The following TENM4 variants were observed in gnomAD, a reference collection of about 807,000 sequenced individuals.
TENM4 encodes teneurin transmembrane protein 4.
A neutral mutation model predicts 243.3 loss-of-function variants in TENM4; 82 were observed. The observed-to-expected ratio is 0.34, with a 90% confidence interval of 0.28 to 0.40. TENM4 has a LOEUF of 0.40. Ranked by LOEUF, TENM4 falls within the 10% of genes least tolerant of loss-of-function variation. TENM4 has a pLI of 1.00. For synonymous variants in TENM4, 1,412 were observed against 1,456.3 expected (o/e 0.97, Z 0.69); for missense variants, 3,138 against 3,673.3 (o/e 0.85, Z 3.77).
chr11:79,250,046 C>T (rs967611955), intron 2 of TENM4, among the ~76,000 whole-genome samples: 3 of 152,160 alleles, frequency 2.0e-5, no homozygotes, highest in African/African-American at 7.2e-5. Flanking sequence ...AGTGCAATGG[C>T]GTGATCTCAG....
At position 78,670,013 on chromosome 11, in the gene TENM4, T is replaced by A. The variant is rs1228259831; in HGVS notation, c.6332A>T (p.Asp2111Val). 6.2e-7 allele frequency: 1 copy of A among 1,613,966 alleles called. No individual in the cohort carries two copies. The highest frequency in any genetic ancestry group is 8.5e-7 in the Non-Finnish European group (1 of 1,179,886). ...TPLPIDLYRY[D>V]DVSGKTEQFG... ...CTGCTCTGTCTTGCCTGACACATCA[T>A]CATAGCGATAGAGATCAATGGGCAG... Residue 2111 changes from aspartate (D) to valine (V), a missense_variant, in exon 32 of 34, where the codon GAT becomes GTT. This residue lies in a region of TENM4 where 2,467 missense variants were observed against 3,059.1 expected (regional missense o/e 0.81). Coordinates refer to ENST00000278550, the MANE Select transcript of TENM4 (RefSeq NM_001098816.3).
At chr11:78,872,689 T>C (rs982931624) in intron 9 of TENM4, among the ~76,000 whole-genome samples, 1 of 152,250 alleles carries the variant, frequency 6.6e-6, no homozygotes, top group African/African-American at 2.4e-5. Flanking sequence ...TGTGTTTAGT[T>C]GGTGCTTGGG....
At chr11:79,101,546 G>A (rs972595327) in intron 4 of TENM4, among the ~76,000 whole-genome samples, 4 of 152,196 alleles carry the variant, frequency 2.6e-5, no homozygotes, top group Non-Finnish European at 4.4e-5. Flanking sequence ...TTAAGAAACC[G>A]TTGCGTCCTG....
intron 2 of TENM4, among the ~76,000 whole-genome samples, chr11:79,266,025 T>G (rs1025158159): frequency 6.6e-6 from 1 of 152,198 alleles, no homozygotes; most frequent in Non-Finnish European, 1.5e-5. Context: ...ATTTCCCAGG[T>G]GGAGTAAGTA....
chr11:78,966,471 T>C lies in TENM4; in HGVS notation c.494-62948A>G, dbSNP rs555962633. 4.6e-5 allele frequency among the ~76,000 whole-genome samples: 7 copies of C among 152,206 alleles called. No individual in the cohort carries two copies. In the East Asian group the frequency reaches 9.7e-4, roughly 21 times the overall value. On this transcript the variant is annotated intron_variant, in intron 6 of 33. Transcript: ENST00000278550. Reference sequence around the variant, plus strand: ...CAAACATTTCCTAAACACTCAGTGATTGGGCTAGAAGGTGAGGGAGATACA... The same window carrying C: ...CAAACATTTCCTAAACACTCAGTGACTGGGCTAGAAGGTGAGGGAGATACA...
intron 1 of TENM4, among the ~76,000 whole-genome samples, chr11:79,384,680 C>A (rs931244600): frequency 2.6e-5 from 4 of 152,264 alleles, no homozygotes; most frequent in East Asian, 1.9e-4. Flanking sequence ...AATCCCAGCA[C>A]TTTGGGAGGC....
chr11:78,842,897 G>GTGATGT (rs1858295075), intron 12 of TENM4, among the ~76,000 whole-genome samples: 1 of 152,234 alleles, frequency 6.6e-6, no homozygotes, highest in African/African-American at 2.4e-5. Context: ...ATGTAGGCCA[G>GTGATGT]GTGTGATGGC....
chr11:79,326,027 A>G (rs1273194438), intron 1 of TENM4, among the ~76,000 whole-genome samples: 2 of 152,196 alleles, frequency 1.3e-5, no homozygotes, highest in Admixed American at 6.5e-5. Context: ...TTTGGGTTGC[A>G]TGCCTATTAT....
intron 25 of TENM4, among the ~76,000 whole-genome samples, chr11:78,715,536 G>C (rs1050065545): frequency 4.6e-5 from 7 of 152,126 alleles, no homozygotes; most frequent in Non-Finnish European, 8.8e-5. Flanking sequence ...GGTGGCATTG[G>C]CAGGATTATC....
chr11:79,108,157 C>T (rs978696966), intron 4 of TENM4, among the ~76,000 whole-genome samples: 2 of 152,244 alleles, frequency 1.3e-5, no homozygotes, highest in African/African-American at 4.8e-5. Context: ...TGTGGCCAGG[C>T]CTTAGTGCCC....
At chr11:79,433,903 G>T (rs887335291) in intron 1 of TENM4, among the ~76,000 whole-genome samples, 1 of 152,152 alleles carries the variant, frequency 6.6e-6, no homozygotes, top group Non-Finnish European at 1.5e-5. Context: ...CCAACAGAGC[G>T]GGCTCCCTCT....
At chr11:79,292,944 T>C (rs1044754418) in intron 2 of TENM4, among the ~76,000 whole-genome samples, 2 of 152,336 alleles carry the variant, frequency 1.3e-5, no homozygotes, top group African/African-American at 4.8e-5. Flanking sequence ...TCAGTTGCTA[T>C]AAACCCTGTA....
At chr11:79,148,442 A>G (rs1204514199) in intron 4 of TENM4, among the ~76,000 whole-genome samples, 2 of 152,042 alleles carry the variant, frequency 1.3e-5, no homozygotes, top group Non-Finnish European at 2.9e-5. Flanking sequence ...GTTTCCCAGC[A>G]TCCAGGAGGG....
chr11:79,410,349 CCT>C (rs1189633005), intron 1 of TENM4, among the ~76,000 whole-genome samples: 1 of 152,198 alleles, frequency 6.6e-6, no homozygotes, highest in Non-Finnish European at 1.5e-5. Context: ...TGTTTAATTT[CCT>C]CTCTGATCAC....
intron 2 of TENM4, among the ~76,000 whole-genome samples, chr11:79,242,173 A>G (rs1855433828): frequency 1.3e-5 from 2 of 152,116 alleles, no homozygotes; most frequent in Non-Finnish European, 2.9e-5. Flanking sequence ...CAGATGCTTT[A>G]TTTATTTTGA....
At chr11:78,862,059 C>A (rs574090150) in intron 10 of TENM4, among the ~76,000 whole-genome samples, 1 of 152,162 alleles carries the variant, frequency 6.6e-6, no homozygotes, top group Admixed American at 6.5e-5. Flanking sequence ...ATATCCCACT[C>A]AGGAATAGCA....
rs948933174 is a variant in TENM4, at chr11:78,708,707, A to T, written c.4055-192T>A. ...CTTGAGTGACTTGTTCAAAGCAGGG[A>T]TTAGAACTTTTTCAGATCTTCCAGG... On this transcript the variant is annotated intron_variant, in intron 26 of 33. Coordinates refer to ENST00000278550, the MANE Select transcript of TENM4 (RefSeq NM_001098816.3). Among the ~76,000 whole-genome samples, 5 of 152,088 alleles carry T rather than the reference A, an allele frequency of 3.3e-5. 1 individual carries two copies. Among genetic ancestry groups the T allele is most frequent in the Non-Finnish European group, 5.9e-5 (4 of 68,002 alleles).
intron 1 of TENM4, among the ~76,000 whole-genome samples, chr11:79,326,989 T>C (rs1565300786): frequency 6.6e-6 from 1 of 152,188 alleles, no homozygotes; most frequent in East Asian, 1.9e-4. Flanking sequence ...CTCACTTATT[T>C]TTCTCTCTCC....
At chr11:79,425,510 G>A (rs1859030067) in intron 1 of TENM4, among the ~76,000 whole-genome samples, 1 of 152,170 alleles carries the variant, frequency 6.6e-6, no homozygotes, top group Non-Finnish European at 1.5e-5. Context: ...ATGTTCTCCT[G>A]AGTCCTAGAA....
Sources: allele counts gnomAD v4.1 joint callset (sites outside exome capture counted in the v4.1 genomes callset), GRCh38; gene constraint gnomAD v4.1.1; regional missense constraint gnomAD v4.1.1; transcripts MANE v1.5; gene names NCBI Gene and HGNC (gene_info 2026-07-23, HGNC 2026-07-21).